The following KAT6A variants were observed in gnomAD, a reference collection of about 807,000 sequenced individuals.
KAT6A encodes histone acetyltransferase KAT6A.
A neutral mutation model predicts 198.4 loss-of-function variants in KAT6A; 9 were observed. The ratio of observed to expected loss-of-function variants is 0.05; its 90% CI spans 0.03 to 0.08. The LOEUF is 0.08. Ranked by LOEUF, KAT6A falls within the 10% of genes least tolerant of loss-of-function variation. KAT6A has a pLI of 1.00. For missense variants in KAT6A, 2,077 were observed against 2,509.9 expected (o/e 0.83, Z 3.69); for synonymous variants, 890 against 883.0 (o/e 1.01, Z -0.14).
chr8:41,961,094 CT>C (rs1184277967), intron 8 of KAT6A, among the ~76,000 whole-genome samples: 4 of 152,224 alleles, frequency 2.6e-5, no homozygotes, highest in Non-Finnish European at 5.9e-5. Context: ...TGAAAGACAA[CT>C]GCACCCTTTC....
At position 41,934,412 on chromosome 8, in the gene KAT6A, C is replaced by A. The variant is rs780558768; in HGVS notation, c.3808G>T (p.Val1270Leu). 14 of 1,612,168 alleles carry A rather than the reference C, an allele frequency of 8.7e-6. No individual in the cohort carries two copies. The Admixed American group carries it at 2.4e-4, about 27-fold the overall frequency. Residue 1270 changes from valine to leucine, a missense_variant, in exon 17 of 17, where the codon GTG becomes TTG. By Grantham distance (32) the Val-to-Leu change is conservative. Coordinates refer to ENST00000265713, the MANE Select transcript of KAT6A (RefSeq NM_006766.5). Reference sequence around the variant, plus strand: ...CGGGGCTTCTCTTCTTCCTCCTCCACCTCAGGCTCCTTGGTTTCGGTCTCA... The same window carrying A: ...CGGGGCTTCTCTTCTTCCTCCTCCAACTCAGGCTCCTTGGTTTCGGTCTCA... ...SPETETKEPE[V>L]EEEEEKPRVS...
Position 42,006,493 on chromosome 8 carries a change from T to C in KAT6A, c.601-18930A>G, listed in dbSNP as rs548299607. ...AAGTGTTTCAGATTTCAGATGTTTT[T>C]TGGATTTTGGAATATTTGCATTATA... On this transcript the variant is annotated intron_variant, in intron 2 of 16. Coordinates refer to ENST00000265713, the MANE Select transcript of KAT6A (RefSeq NM_006766.5). 6.6e-5 allele frequency among the ~76,000 whole-genome samples: 10 copies of C among 152,314 alleles called. No homozygotes were observed. In the East Asian group the frequency reaches 1.5e-3, roughly 24 times the overall value.
At chr8:42,040,757 A>AAAAAG (rs1564083602) in intron 2 of KAT6A, among the ~76,000 whole-genome samples, 5 of 149,766 alleles carry the variant, frequency 3.3e-5, no homozygotes, top group South Asian at 2.1e-4. Context: ...AAAAAAAAAA[A>AAAAAG]AAAGAAAGAA....
chr8:41,973,067 T>C (rs2150883761), intron 8 of KAT6A, among the ~76,000 whole-genome samples: 1 of 152,376 alleles, frequency 6.6e-6, no homozygotes, highest in South Asian at 2.1e-4. Flanking sequence ...TGTTAAATCA[T>C]AATACAGCAG....
At chr8:41,991,297 A>C (rs1824934897) in intron 2 of KAT6A, among the ~76,000 whole-genome samples, 1 of 152,240 alleles carries the variant, frequency 6.6e-6, no homozygotes, top group African/African-American at 2.4e-5. Flanking sequence ...ATACAGTAGA[A>C]TGTTAAACAG....
chr8:41,949,297 C>T lies in KAT6A; in HGVS notation c.1665G>A (p.Gln555=), dbSNP rs1456207441. 6.3e-7 allele frequency: 1 copy of T among 1,580,720 alleles called. No individual in the cohort carries two copies. Among genetic ancestry groups the T allele is most frequent in the African/African-American group, 1.4e-5 (1 of 73,100 alleles). ...GGAACCAACCACATTTCTTCATGTG[C>T]TGCTGCAGAATAGTTCTACTTTTCA... The part of the protein sequence containing the change: ...KYMKSRTILQ[Q]HMKKCGWFHP... The change falls in exon 10 of 17, where the codon CAG becomes CAA. Residue 555 remains glutamine (Q), a synonymous_variant. Transcript: ENST00000265713.
chr8:42,000,842 GA>G (rs1248866618), intron 2 of KAT6A, among the ~76,000 whole-genome samples: 1 of 151,866 alleles, frequency 6.6e-6, no homozygotes, highest in Non-Finnish European at 1.5e-5. Flanking sequence ...GTTAAACAAA[GA>G]AAAAAAATCA....
intron 2 of KAT6A, among the ~76,000 whole-genome samples, chr8:42,035,933 G>T (rs1297017495): frequency 6.6e-6 from 1 of 152,110 alleles, no homozygotes; most frequent in Non-Finnish European, 1.5e-5. Flanking sequence ...CAAAAAATGG[G>T]ACTATTTTTG....
Position 42,012,608 on chromosome 8 carries a change from CTTTGAG to C in KAT6A, c.601-25051_601-25046del, listed in dbSNP as rs1405864712. ...CAGGGGCAATGTGTCCCTGCCAACACTTTGAGTTCAGTCCAGAAATACTAATTTCAG... is the reference window on the plus strand; with the variant it reads ...CAGGGGCAATGTGTCCCTGCCAACACTTCAGTCCAGAAATACTAATTTCAG... On this transcript the variant is annotated intron_variant, in intron 2 of 16. Coordinates refer to ENST00000265713, the MANE Select transcript of KAT6A (RefSeq NM_006766.5). Among the ~76,000 whole-genome samples the C allele has an allele frequency of 3.9e-5, 6 of 152,306 alleles. No individual in the cohort carries two copies. The South Asian group carries it at 1.2e-3, about 32-fold the overall frequency.
At chr8:42,049,363 C>A in intron 1 of KAT6A, 61 bp from the exon 2 acceptor site, 1 of 236,084 alleles carries the variant, frequency 4.2e-6, no homozygotes, top group Non-Finnish European at 8.3e-6. Flanking sequence ...TGAAAATAAG[C>A]ATCCTCATCA....
chr8:41,957,020 TAGAA>T (rs764126150), intron 8 of KAT6A: 1 of 554,278 alleles, frequency 1.8e-6, no homozygotes, highest in Non-Finnish European at 3.6e-6. Context: ...AAGGATCAGA[TAGAA>T]AGCCCAAAAG....
chr8:41,974,437 A>G (rs911514730), intron 8 of KAT6A: 7 of 266,808 alleles, frequency 2.6e-5, no homozygotes, highest in Non-Finnish European at 4.9e-5. Flanking sequence ...GTCAAATCCC[A>G]AATTCTTCTT....
chr8:41,982,880 C>G (rs1430333460), intron 3 of KAT6A, among the ~76,000 whole-genome samples: 1 of 152,104 alleles, frequency 6.6e-6, no homozygotes, highest in Non-Finnish European at 1.5e-5. Context: ...TGCACATGCA[C>G]AGGGAAAAAC....
intron 2 of KAT6A, among the ~76,000 whole-genome samples, chr8:42,048,065 C>A (rs560951235): frequency 6.6e-6 from 1 of 151,892 alleles, no homozygotes; most frequent in Non-Finnish European, 1.5e-5. Flanking sequence ...CGCTGGAGTA[C>A]TCCTCAAGCA....
chr8:42,039,688 C>T (rs920350878), intron 2 of KAT6A, among the ~76,000 whole-genome samples: 2 of 152,050 alleles, frequency 1.3e-5, no homozygotes, highest in Non-Finnish European at 1.5e-5. Flanking sequence ...ATTCATTTTC[C>T]ATTTGGTTTT....
intron 8 of KAT6A, among the ~76,000 whole-genome samples, chr8:41,960,387 G>A (rs1184542419): frequency 6.6e-6 from 1 of 151,652 alleles, no homozygotes; most frequent in Non-Finnish European, 1.5e-5. Flanking sequence ...GGCTAGCAAG[G>A]TGAAACCCCG....
At position 41,987,831 on chromosome 8, in the gene KAT6A, G is replaced by A. The variant is rs2150893646; in HGVS notation, c.601-268C>T. On this transcript the variant is annotated intron_variant, in intron 2 of 16. Transcript: ENST00000265713. Reference sequence around the variant, plus strand: ...TCACTTAGAACCTAAATGATACAGTGTGGATTTTAAAAAGCAAACCCTTAA... The same window carrying A: ...TCACTTAGAACCTAAATGATACAGTATGGATTTTAAAAAGCAAACCCTTAA... Among the ~76,000 whole-genome samples, 7 of 152,282 alleles carry A rather than the reference G, an allele frequency of 4.6e-5. No individual in the cohort carries two copies. In the Middle Eastern group the frequency reaches 0.01, roughly 222 times the overall value.
rs1802474900 is a variant in KAT6A, at chr8:42,049,244, G to T, written c.-267C>A. On this transcript the variant is annotated 5_prime_UTR_variant, in exon 2 of 17. Transcript: ENST00000265713. ...CACACATGGGTCTCGTCATAAAGTT[G>T]TAAGAACTCAAGAATATTTCATTCC... 1.7e-5 allele frequency: 7 copies of T among 407,704 alleles called. No homozygotes were observed. Among genetic ancestry groups the T allele is most frequent in the South Asian group, 6.5e-5 (1 of 15,452 alleles). The allele number at this position is 407,704 out of a possible 1,614,324, so 25.3% of individuals were successfully genotyped here. A position where few individuals can be genotyped will look rare whatever the true frequency, so the allele number is the denominator to read the frequency against.
At position 41,955,374 on chromosome 8, in the gene KAT6A, C is replaced by T. The variant is rs772728473; in HGVS notation, c.1520G>A (p.Arg507His). ...GVTGPPDPQV[R>H]CPSVIEFGKY... Reference sequence around the variant, plus strand: ...CCCAAACTCAATGACAGAGGGACAGCGGACTTGTGGATCAGGGGGACCAGT... The same window carrying T: ...CCCAAACTCAATGACAGAGGGACAGTGGACTTGTGGATCAGGGGGACCAGT... The change falls in exon 9 of 17, where the codon CGC (arginine) becomes CAC (histidine). Residue 507 changes from arginine to histidine, a missense_variant. Arg to His is a conservative substitution (Grantham distance 29). Transcript: ENST00000265713. 11 of 1,612,626 alleles carry T rather than the reference C, an allele frequency of 6.8e-6. No homozygotes were observed. Among genetic ancestry groups the T allele is most frequent in the African/African-American group, 1.3e-5 (1 of 74,854 alleles).
Sources: gnomAD v4.1 joint callset for allele counts (sites outside exome capture counted in the v4.1 genomes callset) on GRCh38, gnomAD v4.1.1 for gene constraint, MANE v1.5 for transcripts, NCBI Gene and HGNC (gene_info 2026-07-23, HGNC 2026-07-21) for gene names.